The following CDKL3 variants were observed in gnomAD, a reference collection of about 807,000 sequenced individuals.
CDKL3 encodes the protein cyclin-dependent kinase-like 3.
A neutral mutation model predicts 69.3 loss-of-function variants in CDKL3; 65 were observed. The observed-to-expected ratio is 0.94, with a 90% CI of 0.77 to 1.15. The LOEUF is 1.15. Among genes scored for constraint, CDKL3 ranks in the 50% most tolerant of loss-of-function variants. The probability of loss-of-function intolerance (pLI) is 0.00; values close to 1 mark genes in which losing one functional copy is unlikely to be tolerated. For synonymous variants in CDKL3, 202 were observed against 221.6 expected, an observed-to-expected ratio of 0.91 and a Z score of 0.79; for missense variants, 652 against 689.2, an observed-to-expected ratio of 0.95 and a Z score of 0.61.
chr5:134,361,468 C>T (rs1359202405), intron 2 of CDKL3, among the ~76,000 whole-genome samples: 8 of 152,250 alleles, frequency 5.3e-5, no homozygotes, highest in African/African-American at 1.2e-4. Context: ...CTGTAACTAA[C>T]GAAGAGACTA....
At chr5:134,307,610 C>T (rs1459338596) in intron 9 of CDKL3, among the ~76,000 whole-genome samples, 4 of 152,330 alleles carry the variant, frequency 2.6e-5, no homozygotes, top group African/African-American at 7.2e-5. Flanking sequence ...TCTCACCATC[C>T]ATCACACTGC....
At chr5:134,331,498 C>T (rs567765984) in intron 4 of CDKL3, among the ~76,000 whole-genome samples, 1 of 152,188 alleles carries the variant, frequency 6.6e-6, no homozygotes, top group South Asian at 2.1e-4. Flanking sequence ...ATGTTCCCCT[C>T]CCTGTGTCCA....
intron 10 of CDKL3, 79 bp from the exon 11 acceptor site, chr5:134,304,646 T>C (rs1767252327): frequency 2.7e-6 from 3 of 1,131,444 alleles, no homozygotes; most frequent in Non-Finnish European, 3.7e-6. Flanking sequence ...TGCTAGCCAT[T>C]TGGATGGTAT....
At chr5:134,288,626 G>A (rs1764983837) in intron 8 of CDKL3, among the ~76,000 whole-genome samples, 1 of 152,156 alleles carries the variant, frequency 6.6e-6, no homozygotes, top group African/African-American at 2.4e-5. Flanking sequence ...GATAAACTCA[G>A]ATAACTCGCA....
intron 6 of CDKL3, among the ~76,000 whole-genome samples, chr5:134,318,175 C>T (rs958278585): frequency 1.3e-5 from 2 of 150,750 alleles, no homozygotes; most frequent in Non-Finnish European, 1.5e-5. Flanking sequence ...GCTGAGATCG[C>T]GCCATTGCAC....
intron 3 of CDKL3, among the ~76,000 whole-genome samples, chr5:134,355,882 C>T (rs541204594): frequency 4.6e-5 from 7 of 152,264 alleles, no homozygotes; most frequent in South Asian, 2.1e-4. Context: ...GGAATCTAGT[C>T]CCCGCTTCCA....
intron 7 of CDKL3, among the ~76,000 whole-genome samples, chr5:134,310,175 T>C (rs1416956065): frequency 2.6e-5 from 4 of 151,722 alleles, no homozygotes; most frequent in Non-Finnish European, 5.9e-5. Flanking sequence ...TTATTTTTTA[T>C]TATATTTATT....
intron 6 of CDKL3, 59 bp downstream of exon 6, chr5:134,319,299 C>T (rs1020888787): frequency 7.4e-7 from 1 of 1,356,006 alleles, no homozygotes; most frequent in South Asian, 1.5e-5. Flanking sequence ...CACTGCACTA[C>T]AGCCTGGGCG....
chr5:134,307,856 T>C (rs1370303393), intron 9 of CDKL3: 1 of 321,862 alleles, frequency 3.1e-6, no homozygotes. Context: ...TACCAACTTT[T>C]TTTCTCTTCA....
intron 11 of CDKL3, among the ~76,000 whole-genome samples, chr5:134,303,679 G>A (rs957116933): frequency 3.0e-5 from 4 of 132,322 alleles, no homozygotes; most frequent in African/African-American, 8.5e-5. Flanking sequence ...CCCCCCCCCC[G>A]TCTCTACTAA....
upstream of CDKL3, chr5:134,367,368 CTTTTTTTTTTT>C (rs57811547): frequency 2.7e-5 from 21 of 779,790 alleles, no homozygotes; most frequent in Middle Eastern, 6.4e-4. Context: ...GGATCTGCAT[CTTTTTTTTTTT>C]TTTTTTTTTT....
chr5:134,362,707 T>A (rs2149659393), intron 2 of CDKL3, among the ~76,000 whole-genome samples: 1 of 152,156 alleles, frequency 6.6e-6, no homozygotes, highest in East Asian at 1.9e-4. Flanking sequence ...GGTGGGCAGA[T>A]CACATGAAGC....
intron 3 of CDKL3, among the ~76,000 whole-genome samples, chr5:134,354,341 C>T (rs1046983593): frequency 6.6e-6 from 1 of 152,172 alleles, no homozygotes; most frequent in African/African-American, 2.4e-5. Context: ...TACTCATCAC[C>T]TGTAAAGTAT....
intron 7 of CDKL3, 44 bp downstream of exon 7, chr5:134,312,248 T>A (rs1269228738): frequency 1.7e-6 from 2 of 1,187,164 alleles, no homozygotes; most frequent in Non-Finnish European, 2.4e-6. Flanking sequence ...AATTTCCCAA[T>A]ACAAAATGCT....
chr5:134,365,498 G>A (rs1309297057), intron 2 of CDKL3, among the ~76,000 whole-genome samples: 1 of 152,096 alleles, frequency 6.6e-6, no homozygotes, highest in East Asian at 1.9e-4. Context: ...ATTTTAGCAA[G>A]GGTCCTCAGA....
intron 4 of CDKL3, among the ~76,000 whole-genome samples, chr5:134,341,884 C>T: frequency 6.6e-6 from 1 of 152,320 alleles, no homozygotes; most frequent in Middle Eastern, 3.4e-3. Context: ...AATCTGTGGG[C>T]CCTACATAAA....
intron 12 of CDKL3, among the ~76,000 whole-genome samples, chr5:134,301,396 C>T (rs1766278912): frequency 6.6e-6 from 1 of 152,164 alleles, no homozygotes; most frequent in African/African-American, 2.4e-5. Flanking sequence ...CCCTAAATGT[C>T]ACAGTGAGAA....
intron 4 of CDKL3, among the ~76,000 whole-genome samples, chr5:134,326,822 T>TAC: frequency 9.5e-6 from 1 of 105,098 alleles, no homozygotes; most frequent in African/African-American, 5.5e-5. Flanking sequence ...TGTGTGTATA[T>TAC]ATATATATAT....
downstream of CDKL3, among the ~76,000 whole-genome samples, chr5:134,285,551 C>G (rs1203954547): frequency 2.0e-5 from 3 of 152,222 alleles, no homozygotes; most frequent in Non-Finnish European, 4.4e-5. Flanking sequence ...TGGGCCTTTC[C>G]TCCTAGGCCT....
Sources: gnomAD v4.1 joint callset for allele counts (sites outside exome capture counted in the v4.1 genomes callset) on GRCh38, gnomAD v4.1.1 for gene constraint, MANE v1.5 for transcripts, NCBI Gene and HGNC (gene_info 2026-07-23, HGNC 2026-07-21) for gene names.